ESYT3: variants seen among roughly 807,000 people sequenced by gnomAD.
ESYT3 encodes the protein extended synaptotagmin 3, also known as extended synaptotagmin-3.
A neutral mutation model predicts 111.5 loss-of-function variants in ESYT3; 101 were observed. The ratio of observed to expected loss-of-function variants is 0.91; its 90% CI spans 0.77 to 1.07. The LOEUF (loss-of-function observed/expected upper bound fraction) is 1.07. Among genes scored for constraint, ESYT3 ranks in the 50% least tolerant of loss-of-function variants. The pLI, the probability that ESYT3 is intolerant of heterozygous loss-of-function variation, is 0.00. For missense variants in ESYT3, 1,097 were observed against 1,109.4 expected (o/e 0.99, Z 0.16); for synonymous variants, 416 against 446.8 (o/e 0.93, Z 0.87).
At chr3:138,450,626 C>T (rs933794384) in intron 1 of ESYT3, among the ~76,000 whole-genome samples, 1 of 152,218 alleles carries the variant, frequency 6.6e-6, no homozygotes, top group Non-Finnish European at 1.5e-5. Context: ...GTCTCAGAAG[C>T]ACTGAACTCC....
intron 10 of ESYT3, among the ~76,000 whole-genome samples, chr3:138,465,686 T>A (rs2032893410): frequency 6.6e-6 from 1 of 152,194 alleles, no homozygotes; most frequent in Non-Finnish European, 1.5e-5. Flanking sequence ...TTGCTTTCTG[T>A]CTTCCTGATA....
chr3:138,476,219 A>G lies in ESYT3; in HGVS notation c.2469-4A>G, dbSNP rs575567102. The G allele has an allele frequency of 6.3e-7, 1 of 1,595,598 alleles. No individual in the cohort carries two copies. Among genetic ancestry groups the G allele is most frequent in the South Asian group, 1.1e-5 (1 of 90,104 alleles). On this transcript the variant is annotated splice_polypyrimidine_tract_variant and splice_region_variant and intron_variant, in intron 20 of 22. Transcript: ENST00000389567. The stretch of plus-strand genomic sequence containing the variant: ...AATTCTCACTTCCTTTTTGCTTCCT[A>G]AAGATTTGAATTTTTTGTTCCCATG...
chr3:138,453,047 C>T (rs1240449116), intron 2 of ESYT3, among the ~76,000 whole-genome samples: 1 of 152,160 alleles, frequency 6.6e-6, no homozygotes, highest in African/African-American at 2.4e-5. Flanking sequence ...AGCAAGACTC[C>T]ATCTCAAAAA....
intron 17 of ESYT3, 33 bp from the exon 18 acceptor site, chr3:138,472,330 C>T (rs571543479): frequency 1.3e-6 from 2 of 1,595,416 alleles, no homozygotes; most frequent in Non-Finnish European, 1.7e-6. Flanking sequence ...AGTGGTGACT[C>T]AGCTCATAAG....
In ESYT3 at chr3:138,468,715, C is replaced by T. The variant is rs868325699; in HGVS notation, c.1369C>T (p.Pro457Ser). 2.5e-6 allele frequency: 4 copies of T among 1,614,028 alleles called. No homozygotes were observed. The highest frequency in any genetic ancestry group is 1.3e-5 in the African/African-American group (1 of 74,904). Residue 457 changes from proline to serine, a missense_variant and splice_region_variant, in exon 13 of 23, where the codon CCG becomes TCG. Coordinates refer to ENST00000389567, the MANE Select transcript of ESYT3 (RefSeq NM_031913.5). Reference protein sequence around the residue: ...VVFLESACNLPRNPFDYLNGE... With the variant: ...VVFLESACNLSRNPFDYLNGE... ...CTTCTTGGAGAGTGCCTGCAACTTG[C>T]CGGTGAGTGGCGACATGTCCAGAGT... is the stretch of plus-strand genomic sequence containing the variant.
intron 2 of ESYT3, among the ~76,000 whole-genome samples, chr3:138,452,491 C>G (rs142542966): frequency 5.9e-5 from 9 of 152,148 alleles, no homozygotes; most frequent in Non-Finnish European, 1.2e-4. Context: ...AGCTGGCTTC[C>G]TTATCCGTAA....
intron 1 of ESYT3, among the ~76,000 whole-genome samples, chr3:138,437,970 C>T (rs551018987): frequency 1.3e-5 from 2 of 152,234 alleles, no homozygotes; most frequent in South Asian, 2.1e-4. Flanking sequence ...TCACCCGCCT[C>T]GTGAAGGTTT....
At chr3:138,469,035 G>A in intron 14 of ESYT3, 154 bp downstream of exon 14, 3 of 825,444 alleles carry the variant, frequency 3.6e-6, no homozygotes, top group South Asian at 1.5e-5. Flanking sequence ...TGTGTGCCAG[G>A]CACTAGGCTT....
In ESYT3 at chr3:138,468,717, G is replaced by A. The variant is rs376426965; in HGVS notation, c.1371G>A (p.Pro457=). ...VVFLESACNL[P]RNPFDYLNGE... The stretch of plus-strand genomic sequence containing the variant: ...TCTTGGAGAGTGCCTGCAACTTGCC[G>A]GTGAGTGGCGACATGTCCAGAGTGT... Residue 457 remains proline, a splice_region_variant and synonymous_variant, in exon 13 of 23, where the codon CCG becomes CCA. Transcript: ENST00000389567. The A allele has an allele frequency of 3.6e-5, 58 of 1,614,118 alleles. No homozygotes were observed. Among genetic ancestry groups the A allele is most frequent in the African/African-American group, 2.4e-4 (18 of 75,006 alleles).
intron 1 of ESYT3, among the ~76,000 whole-genome samples, chr3:138,437,200 G>A (rs767131004): frequency 6.6e-6 from 1 of 152,198 alleles, no homozygotes; most frequent in Non-Finnish European, 1.5e-5. Context: ...TGCATAACAG[G>A]TCATTGCCAT....
chr3:138,479,572 T>A lies in ESYT3; in HGVS notation c.*2718T>A, dbSNP rs2033634423. 6.6e-6 allele frequency: 1 copy of A among 152,224 alleles called. No homozygotes were observed. The highest frequency in any genetic ancestry group is 1.5e-5 in the Non-Finnish European group (1 of 68,052). 9.4% of individuals were successfully genotyped at this position (152,224 alleles called of 1,614,324 possible). A position where few individuals can be genotyped will look rare whatever the true frequency, so the allele number is the denominator to read the frequency against. Reference sequence around the variant, plus strand: ...ACACTCTATAGCAGGAAGAAGGGGCTTTTCTTCTGATGTTTTCCATGGCTG... The same window carrying A: ...ACACTCTATAGCAGGAAGAAGGGGCATTTCTTCTGATGTTTTCCATGGCTG... On this transcript the variant is annotated 3_prime_UTR_variant, in exon 23 of 23. Coordinates refer to ENST00000389567, the MANE Select transcript of ESYT3 (RefSeq NM_031913.5).
Position 138,472,878 on chromosome 3 carries a change from A to C in ESYT3, c.2237+19A>C, listed in dbSNP as rs755021384. 6.3e-7 allele frequency: 1 copy of C among 1,592,854 alleles called. No individual in the cohort carries two copies. Among genetic ancestry groups the C allele is most frequent in the Non-Finnish European group, 8.6e-7 (1 of 1,169,476 alleles). ...ACATTGAGTATGCACCTCTCTGCTT[A>C]ATCTTTTCTAAAATCGCCTGTATGA... On this transcript the variant is annotated intron_variant, in intron 18 of 22. Coordinates refer to ENST00000389567, the MANE Select transcript of ESYT3 (RefSeq NM_031913.5).
At chr3:138,473,717 A>G (rs188933328) in intron 19 of ESYT3, 83 bp downstream of exon 19, 1 of 1,160,076 alleles carries the variant, frequency 8.6e-7, no homozygotes, top group Non-Finnish European at 1.3e-6. Context: ...GAGCAATGAA[A>G]AGGGCACATA....
chr3:138,468,734 CCA>C lies in ESYT3; in HGVS notation c.1371+18_1371+19del. The C allele has an allele frequency of 6.2e-7, 1 of 1,613,884 alleles. No homozygotes were observed. Among genetic ancestry groups the C allele is most frequent in the South Asian group, 1.1e-5 (1 of 91,048 alleles). Reference sequence around the variant, plus strand: ...AACTTGCCGGTGAGTGGCGACATGTCCAGAGTGTCACACAAACGCAACAAAGT... The same window carrying C: ...AACTTGCCGGTGAGTGGCGACATGTCGAGTGTCACACAAACGCAACAAAGT... On this transcript the variant is annotated intron_variant, in intron 13 of 22. Transcript: ENST00000389567.
intron 9 of ESYT3, among the ~76,000 whole-genome samples, chr3:138,464,858 C>T (rs1405538729): frequency 6.6e-6 from 1 of 152,230 alleles, no homozygotes; most frequent in East Asian, 1.9e-4. Context: ...ACAATCCCTA[C>T]TATTTGAAGG....
chr3:138,460,586 T>A, intron 6 of ESYT3, 25 bp from the exon 7 acceptor site: 1 of 1,613,686 alleles, frequency 6.2e-7, no homozygotes, highest in Non-Finnish European at 8.5e-7. Flanking sequence ...CTTTCCAGCC[T>A]AATAGCTTCC....
At position 138,435,199 on chromosome 3, in the gene ESYT3, G is replaced by T; in HGVS notation, c.327+74G>T. 2.1e-6 allele frequency: 3 copies of T among 1,399,680 alleles called. No individual in the cohort carries two copies. Among genetic ancestry groups the T allele is most frequent in the South Asian group, 2.8e-5 (2 of 70,870 alleles). 86.7% of individuals were successfully genotyped at this position (1,399,680 alleles called of 1,614,324 possible). On this transcript the variant is annotated intron_variant, in intron 1 of 22. Transcript: ENST00000389567. The surrounding 1 kb of genome is among the most constrained non-coding windows in gnomAD (Gnocchi z 4.8). ...TTCGGAGGAACTTGCGGTCAGCGGG[G>T]AGCTGGTGCGCGCAAACCCGAGGCA...
Position 138,476,947 on chromosome 3 carries a change from T to G in ESYT3, c.*93T>G. The G allele has an allele frequency of 1.0e-6, 1 of 978,328 alleles. No individual in the cohort carries two copies. The highest frequency in any genetic ancestry group is 1.5e-6 in the Non-Finnish European group (1 of 664,982). The allele number at this position is 978,328 out of a possible 1,614,324, so 60.6% of individuals were successfully genotyped here. A position where few individuals can be genotyped will look rare whatever the true frequency, so the allele number is the denominator to read the frequency against. ...ATCACTTACATCCAATATATGTATA[T>G]TTTGTCATTTAAATCAGAACAACCA... On this transcript the variant is annotated 3_prime_UTR_variant, in exon 23 of 23. Coordinates refer to ENST00000389567, the MANE Select transcript of ESYT3 (RefSeq NM_031913.5).
At chr3:138,454,259 C>T (rs2032130389) in intron 2 of ESYT3, among the ~76,000 whole-genome samples, 1 of 149,944 alleles carries the variant, frequency 6.7e-6, no homozygotes, top group Non-Finnish European at 1.5e-5. Flanking sequence ...AAAAGAAGGC[C>T]AGGTGCTGTG....
Sources: gnomAD v4.1 joint callset for allele counts (sites outside exome capture counted in the v4.1 genomes callset) on GRCh38, gnomAD v4.1.1 for gene constraint, Gnocchi (gnomAD v3.1) non-coding constraint, MANE v1.5 for transcripts, NCBI Gene and HGNC (gene_info 2026-07-23, HGNC 2026-07-21) for gene names.